Variants in GNPTAB observed in about 807,000 individuals in gnomAD.
GNPTAB encodes N-acetylglucosamine-1-phosphate transferase subunits alpha and beta.
Under a neutral mutation model 136.6 loss-of-function variants are expected in GNPTAB, and 92 were observed. That is an observed-to-expected ratio of 0.67 (90% CI 0.57 to 0.80). The LOEUF is 0.80. Ranked by LOEUF, GNPTAB falls within the 30% of genes least tolerant of loss-of-function variation. The pLI, the probability that GNPTAB is intolerant of heterozygous loss-of-function variation, is 0.00. For synonymous variants in GNPTAB, 512 were observed against 535.1 expected (o/e 0.96, Z 0.60); for missense variants, 1,343 against 1,501.8 (o/e 0.89, Z 1.75).
intron 1 of GNPTAB, among the ~76,000 whole-genome samples, chr12:101,816,587 C>T (rs1008508037): frequency 1.4e-4 from 22 of 152,328 alleles, no homozygotes; most frequent in African/African-American, 5.1e-4. Context: ...TGCTTGTACT[C>T]TGTTAGTGGG....
intron 5 of GNPTAB, among the ~76,000 whole-genome samples, chr12:101,785,409 A>T (rs1189971170): frequency 6.6e-6 from 1 of 152,098 alleles, no homozygotes; most frequent in Non-Finnish European, 1.5e-5. Flanking sequence ...TGGTAGAGAC[A>T]GGTTCCCACT....
rs1162580785 is a variant in GNPTAB at position 101,764,831 on chromosome 12, G to A, written c.2086C>T (p.Pro696Ser). 6.2e-7 allele frequency: 1 copy of A among 1,614,008 alleles called. No individual in the cohort carries two copies. Among genetic ancestry groups the A allele is most frequent in the African/African-American group, 1.3e-5 (1 of 74,928 alleles). ...TRRAQEEVKIPLVNISLLPKD... is the reference protein window; with the variant it reads ...TRRAQEEVKISLVNISLLPKD... ...GGAAGGAGTGAAATATTTACCAGGGGAATTTTCACCTCTTCCTGGGCTCTC... is the reference window on the plus strand; with the variant it reads ...GGAAGGAGTGAAATATTTACCAGGGAAATTTTCACCTCTTCCTGGGCTCTC... The change falls in exon 13 of 21, where the codon CCC becomes TCC. Residue 696 changes from proline (P) to serine (S), a missense_variant. By Grantham distance (74) the Pro-to-Ser change is moderately conservative (BLOSUM62 -1). Coordinates refer to ENST00000299314, the MANE Select transcript of GNPTAB (RefSeq NM_024312.5).
intron 1 of GNPTAB, among the ~76,000 whole-genome samples, chr12:101,823,730 CAT>C (rs1870933539): frequency 1.3e-5 from 2 of 151,872 alleles, no homozygotes; most frequent in South Asian, 4.1e-4. Context: ...ATCAAATCAC[CAT>C]ATAAGTTAAA....
intron 3 of GNPTAB, among the ~76,000 whole-genome samples, chr12:101,789,519 C>CT (rs891243068): frequency 4.6e-5 from 7 of 152,212 alleles, no homozygotes; most frequent in Non-Finnish European, 7.3e-5. Context: ...GGGTCTCACT[C>CT]TGTCACCCAA....
intron 7 of GNPTAB, among the ~76,000 whole-genome samples, chr12:101,776,575 C>A (rs996954943): frequency 1.3e-5 from 2 of 152,132 alleles, no homozygotes; most frequent in African/African-American, 2.4e-5. Context: ...AAACAAAAAA[C>A]TTCAGGTTTT....
intron 20 of GNPTAB, among the ~76,000 whole-genome samples, chr12:101,748,637 ACTC>A (rs1265409413): frequency 1.3e-5 from 2 of 151,960 alleles, no homozygotes; most frequent in Non-Finnish European, 2.9e-5. Context: ...AGGAGGGAGA[ACTC>A]CTAGCGATTG....
intron 2 of GNPTAB, among the ~76,000 whole-genome samples, chr12:101,794,770 C>T (rs1869185420): frequency 6.6e-6 from 1 of 151,948 alleles, no homozygotes; most frequent in East Asian, 1.9e-4. Flanking sequence ...AGTTTTCTTT[C>T]TAAAAGTTTA....
chr12:101,821,597 G>A (rs913803061), intron 1 of GNPTAB, among the ~76,000 whole-genome samples: 2 of 152,166 alleles, frequency 1.3e-5, no homozygotes, highest in Non-Finnish European at 1.5e-5. Context: ...AGGTCCAGGA[G>A]GTGGCGATCA....
intron 18 of GNPTAB, 144 bp from the exon 19 acceptor site, chr12:101,753,683 T>A (rs1006557312): frequency 1.4e-6 from 1 of 726,392 alleles, no homozygotes; most frequent in Admixed American, 2.4e-5. Flanking sequence ...GGGGGAATGA[T>A]ATTCTATAAA....
chr12:101,805,302 C>T (rs766362757), intron 1 of GNPTAB, among the ~76,000 whole-genome samples: 7 of 152,110 alleles, frequency 4.6e-5, no homozygotes, highest in Middle Eastern at 3.2e-3. Context: ...CACACTGTTA[C>T]CTAAAAATAT....
At chr12:101,784,729 A>G (rs117733204) in intron 5 of GNPTAB, among the ~76,000 whole-genome samples, 2,299 of 152,020 alleles carry the variant, frequency 0.015, 30 homozygotes, top group African/African-American at 0.019. Context: ...TTAGTTATAG[A>G]TGTAAAAAGT....
chr12:101,765,017 C>T lies in GNPTAB; in HGVS notation c.1900G>A (p.Asp634Asn). ...TTCAGTTTTGGTCCCTCCCTTGTGT[C>T]CACCTCCACTGTTATCTGCATTTTG... ...EFKMQITVEV[D>N]TREGPKLNST... The change falls in exon 13 of 21, where the codon GAC becomes AAC. Residue 634 changes from aspartate (D) to asparagine (N), a missense_variant. By Grantham distance (23) the Asp-to-Asn change is conservative. Transcript: ENST00000299314. 1 of 1,614,218 alleles carries T rather than the reference C, an allele frequency of 6.2e-7. No individual in the cohort carries two copies. The highest frequency in any genetic ancestry group is 1.1e-5 in the South Asian group (1 of 91,086).
At chr12:101,766,633 C>T (rs554738979) in intron 11 of GNPTAB, among the ~76,000 whole-genome samples, 2 of 152,132 alleles carry the variant, frequency 1.3e-5, no homozygotes, top group East Asian at 1.9e-4. Flanking sequence ...AGTGAAACTC[C>T]GTCTCAAAAA....
Position 101,780,228 on chromosome 12 carries a change from C to T in GNPTAB, c.695G>A (p.Gly232Glu). 3 of 1,613,394 alleles carry T rather than the reference C, an allele frequency of 1.9e-6. No individual in the cohort carries two copies. Among genetic ancestry groups the T allele is most frequent in the Non-Finnish European group, 2.5e-6 (3 of 1,179,354 alleles). Residue 232 changes from glycine (G) to glutamate (E), a missense_variant, in exon 7 of 21, where the codon GGA becomes GAA. Transcript: ENST00000299314. ...TGTTTCCTTGAATGTTGGTGGAAATCCACTCAGGAAAGCCAAATCTTGCAT... is the reference window on the plus strand; with the variant it reads ...TGTTTCCTTGAATGTTGGTGGAAATTCACTCAGGAAAGCCAAATCTTGCAT... ...VLMQDLAFLS[G>E]FPPTFKETNQ...
In GNPTAB at chr12:101,761,260, A is replaced by G. The variant is rs281865006; in HGVS notation, c.3002T>C (p.Leu1001Pro). 6.2e-7 allele frequency: 1 copy of G among 1,614,012 alleles called. No individual in the cohort carries two copies. The highest frequency in any genetic ancestry group is 1.1e-5 in the South Asian group (1 of 91,088). The change falls in exon 15 of 21, where the codon CTC becomes CCC. Residue 1001 changes from leucine (L) to proline (P), a missense_variant. Coordinates refer to ENST00000299314, the MANE Select transcript of GNPTAB (RefSeq NM_024312.5). The part of the protein sequence containing the change: ...MQFAFSYFYY[L>P]MSAVQPLNIS... ...ATTCAGTGGCTGCACTGCACTCATG[A>G]GATAATAAAAATAAGAGAAGGCAAA...
At chr12:101,772,855 C>T (rs1408088740) in intron 7 of GNPTAB, among the ~76,000 whole-genome samples, 18 of 152,178 alleles carry the variant, frequency 1.2e-4, no homozygotes, top group Admixed American at 9.2e-4. Context: ...CTGACTCTGT[C>T]GTGCAGGCTG....
intron 18 of GNPTAB, 72 bp from the exon 19 acceptor site, chr12:101,753,611 T>C: frequency 4.1e-6 from 5 of 1,221,814 alleles, no homozygotes; most frequent in African/African-American, 1.5e-5. Flanking sequence ...AGGATGTGGA[T>C]TCCAAATATA....
intron 1 of GNPTAB, among the ~76,000 whole-genome samples, chr12:101,797,408 T>A (rs1869360270): frequency 6.6e-6 from 1 of 152,086 alleles, no homozygotes; most frequent in South Asian, 2.1e-4. Context: ...GTGGATTCCC[T>A]GAGCTCAGGA....
intron 7 of GNPTAB, among the ~76,000 whole-genome samples, chr12:101,777,815 G>A (rs999663494): frequency 4.2e-4 from 64 of 152,270 alleles, no homozygotes; most frequent in African/African-American, 1.5e-3. Flanking sequence ...CTGACACTGC[G>A]TCTGTTCTTC....
Sources: allele counts gnomAD v4.1 joint callset (sites outside exome capture counted in the v4.1 genomes callset), GRCh38; gene constraint gnomAD v4.1.1; transcripts MANE v1.5; gene names NCBI Gene and HGNC (gene_info 2026-07-23, HGNC 2026-07-21).